Variants in MTUS1 observed in about 807,000 individuals in gnomAD.
MTUS1 encodes microtubule associated scaffold protein 1, also known as microtubule-associated tumor suppressor 1.
MTUS1 carries 109 observed loss-of-function variants against 120.8 expected under a neutral mutation model. The ratio of observed to expected loss-of-function variants is 0.90; its 90% CI spans 0.77 to 1.06. The LOEUF (loss-of-function observed/expected upper bound fraction) is 1.06. Among genes scored for constraint, MTUS1 ranks in the 50% least tolerant of loss-of-function variants. The pLI is 0.00. For missense variants in MTUS1, 2,210 were observed against 1,486.3 expected (o/e 1.49, Z -8.01); for synonymous variants, 737 against 550.5 (o/e 1.34, Z -4.74).
At chr8:17,752,154 A>C (rs1438724857) in intron 2 of MTUS1, among the ~76,000 whole-genome samples, 1 of 152,126 alleles carries the variant, frequency 6.6e-6, no homozygotes, top group Non-Finnish European at 1.5e-5. Flanking sequence ...TCAATGCACA[A>C]ATCAGGAAAA....
intron 6 of MTUS1, among the ~76,000 whole-genome samples, chr8:17,699,875 G>A (rs1250616145): frequency 2.0e-5 from 3 of 152,090 alleles, no homozygotes; most frequent in Admixed American, 6.5e-5. Context: ...AACTGGATAA[G>A]CAATTACTTT....
intron 1 of MTUS1, among the ~76,000 whole-genome samples, chr8:17,796,614 T>A (rs2052266283): frequency 6.6e-6 from 1 of 152,096 alleles, no homozygotes; most frequent in East Asian, 1.9e-4. Flanking sequence ...AGCCCCCAAA[T>A]CTGTCACCTC....
intron 7 of MTUS1, among the ~76,000 whole-genome samples, chr8:17,682,996 G>A (rs1385269484): frequency 6.6e-6 from 1 of 152,184 alleles, no homozygotes; most frequent in African/African-American, 2.4e-5. Flanking sequence ...ATTAAGGCTG[G>A]GCGCAGTGGC....
chr8:17,725,713 C>T (rs1338473325), intron 3 of MTUS1, among the ~76,000 whole-genome samples: 2 of 152,196 alleles, frequency 1.3e-5, no homozygotes, highest in African/African-American at 4.8e-5. Context: ...TGCGGCCCAG[C>T]ACAGCTTTGA....
At chr8:17,655,649 G>A (rs760429345) in intron 9 of MTUS1, among the ~76,000 whole-genome samples, 3 of 152,068 alleles carry the variant, frequency 2.0e-5, no homozygotes, top group African/African-American at 4.8e-5. Context: ...ACTTGAACCC[G>A]GGAGGCAGAG....
intron 8 of MTUS1, among the ~76,000 whole-genome samples, chr8:17,657,290 C>T (rs374334058): frequency 1.1e-4 from 17 of 151,842 alleles, no homozygotes; most frequent in South Asian, 2.1e-4. Flanking sequence ...AAGCTGAGAC[C>T]GGGCGCGGTG....
chr8:17,724,937 T>C (rs1215406667), intron 3 of MTUS1, among the ~76,000 whole-genome samples: 1 of 152,172 alleles, frequency 6.6e-6, no homozygotes, highest in African/African-American at 2.4e-5. Context: ...CACTGTTTTA[T>C]TTTTTTAAAA....
intron 3 of MTUS1, among the ~76,000 whole-genome samples, chr8:17,737,305 T>G (rs1306045986): frequency 6.6e-6 from 1 of 152,168 alleles, no homozygotes; most frequent in Non-Finnish European, 1.5e-5. Flanking sequence ...CTAGGAGTTG[T>G]GGGAATTAAA....
chr8:17,761,795 A>G (rs381826), intron 1 of MTUS1, among the ~76,000 whole-genome samples: 86,746 of 152,026 alleles, frequency 0.57, 25,226 homozygotes, highest in Middle Eastern at 0.63. Flanking sequence ...AAATACAGTT[A>G]TAATTTATAG....
At chr8:17,721,803 C>T (rs767875313) in intron 4 of MTUS1, 5 of 1,614,090 alleles carry the variant, frequency 3.1e-6, no homozygotes, top group Non-Finnish European at 4.2e-6. Context: ...CATCATAGTG[C>T]CTCTCTGAAC....
intron 8 of MTUS1, among the ~76,000 whole-genome samples, chr8:17,665,097 G>A (rs1281928456): frequency 1.3e-5 from 2 of 152,100 alleles, no homozygotes; most frequent in East Asian, 3.9e-4. Context: ...CCAGCCTGTG[G>A]AATAATCCCC....
At chr8:17,674,543 A>T (rs778900299) in intron 8 of MTUS1, 2 of 985,778 alleles carry the variant, frequency 2.0e-6, no homozygotes, top group Non-Finnish European at 2.4e-6. Flanking sequence ...CGTAGCCTGG[A>T]AACTGGAGGG....
At chr8:17,710,238 T>A (rs1033340586) in intron 6 of MTUS1, among the ~76,000 whole-genome samples, 5 of 152,122 alleles carry the variant, frequency 3.3e-5, no homozygotes, top group African/African-American at 1.2e-4. Flanking sequence ...CATGAAAGAT[T>A]TCTTTGTAGC....
At chr8:17,794,908 G>A (rs567769996) in intron 1 of MTUS1, among the ~76,000 whole-genome samples, 8 of 152,278 alleles carry the variant, frequency 5.3e-5, no homozygotes, top group African/African-American at 1.7e-4. Flanking sequence ...AGGGAGCTAT[G>A]TTTTACGAGG....
intron 1 of MTUS1, among the ~76,000 whole-genome samples, chr8:17,759,189 A>T (rs1287922199): frequency 6.6e-6 from 1 of 151,922 alleles, no homozygotes; most frequent in Non-Finnish European, 1.5e-5. Context: ...CCCCAAGGTT[A>T]TTTTTTAAAT....
intron 13 of MTUS1, 186 bp from the exon 14 acceptor site, chr8:17,647,265 G>A (rs1185697411): frequency 1.7e-5 from 9 of 532,912 alleles, no homozygotes; most frequent in African/African-American, 3.9e-5. Context: ...CAGAGCGGCT[G>A]GGTATTTTTA....
intron 1 of MTUS1, among the ~76,000 whole-genome samples, chr8:17,769,232 CTTTT>C (rs35061390): frequency 2.7e-4 from 35 of 131,266 alleles, no homozygotes; most frequent in South Asian, 4.8e-4. Context: ...GCTTTTATTC[CTTTT>C]TTTTTTTTTT....
chr8:17,740,023 T>C (rs1481472149), intron 3 of MTUS1, among the ~76,000 whole-genome samples: 1 of 152,118 alleles, frequency 6.6e-6, no homozygotes, highest in East Asian at 1.9e-4. Flanking sequence ...CTGGCCAACA[T>C]GGTGAAACCC....
In MTUS1 at chr8:17,668,728, T is replaced by A. The variant is rs1811419068; in HGVS notation, c.2905+6458A>T. ...CACATGTGCAGGTTTGTTATTTGGG[T>A]CAACTTGAATCACAGGGGCTTGTTG... On this transcript the variant is annotated intron_variant, in intron 8 of 14. Coordinates refer to ENST00000693296, the MANE Select transcript of MTUS1 (RefSeq NM_001363059.2). 2.0e-5 allele frequency among the ~76,000 whole-genome samples: 3 copies of A among 152,158 alleles called. No individual in the cohort carries two copies. The South Asian group carries it at 6.2e-4, about 32-fold the overall frequency.
Sources: gnomAD v4.1 joint callset for allele counts (sites outside exome capture counted in the v4.1 genomes callset) on GRCh38, gnomAD v4.1.1 for gene constraint, MANE v1.5 for transcripts, NCBI Gene and HGNC (gene_info 2026-07-23, HGNC 2026-07-21) for gene names.